The following DOK6 variants were observed in gnomAD, a reference collection of about 807,000 sequenced individuals.
DOK6 encodes the protein downstream of tyrosine kinase 6.
A neutral mutation model predicts 44.0 loss-of-function variants in DOK6; 22 were observed. The observed-to-expected ratio is 0.50, with a 90% CI of 0.36 to 0.71. The LOEUF (loss-of-function observed/expected upper bound fraction) is 0.71. Ranked by LOEUF, DOK6 falls within the 30% of genes least tolerant of loss-of-function variation. The pLI is 0.00. For missense variants in DOK6, 340 were observed against 416.4 expected, an observed-to-expected ratio of 0.82 and a Z score of 1.60; for synonymous variants, 166 against 145.5, an observed-to-expected ratio of 1.14 and a Z score of -1.01.
chr18:69,664,346 C>T (rs1441793099), intron 3 of DOK6, among the ~76,000 whole-genome samples: 1 of 152,228 alleles, frequency 6.6e-6, no homozygotes, highest in African/African-American at 2.4e-5. Flanking sequence ...TTGATACTGG[C>T]TTTTAAAAAG....
chr18:69,600,199 C>A (rs1011872302), intron 3 of DOK6, among the ~76,000 whole-genome samples: 1 of 152,104 alleles, frequency 6.6e-6, no homozygotes, highest in Non-Finnish European at 1.5e-5. Flanking sequence ...ATGATTAGGT[C>A]TTTAGGAGAA....
chr18:69,408,288 A>G (rs1978292704), intron 1 of DOK6, among the ~76,000 whole-genome samples: 3 of 152,194 alleles, frequency 2.0e-5, no homozygotes, highest in Admixed American at 1.3e-4. Context: ...ACTCAATGCT[A>G]AGTTATTTAG....
intron 1 of DOK6, among the ~76,000 whole-genome samples, chr18:69,550,721 A>G (rs1982538937): frequency 6.7e-6 from 1 of 148,770 alleles, no homozygotes; most frequent in African/African-American, 2.5e-5. Context: ...TCCCTAATAT[A>G]TATTGACAGT....
chr18:69,624,446 A>G (rs1984510648), intron 3 of DOK6, among the ~76,000 whole-genome samples: 1 of 152,118 alleles, frequency 6.6e-6, no homozygotes, highest in Non-Finnish European at 1.5e-5. Context: ...CTAGTAATCC[A>G]TTGTATTTTT....
At chr18:69,726,076 A>G (rs531935501) in intron 5 of DOK6, among the ~76,000 whole-genome samples, 1 of 152,158 alleles carries the variant, frequency 6.6e-6, no homozygotes, top group Admixed American at 6.5e-5. Flanking sequence ...CAGTCGGTAC[A>G]CCCAGCCAGA....
intron 6 of DOK6, among the ~76,000 whole-genome samples, chr18:69,747,142 A>G (rs1005288087): frequency 6.6e-6 from 1 of 152,184 alleles, no homozygotes; most frequent in Non-Finnish European, 1.5e-5. Context: ...TATGAAACCA[A>G]TTTGCACATT....
At chr18:69,562,016 T>A (rs886815207) in intron 1 of DOK6, among the ~76,000 whole-genome samples, 1 of 152,198 alleles carries the variant, frequency 6.6e-6, no homozygotes, top group African/African-American at 2.4e-5. Context: ...GATTTCCTCA[T>A]GGGCATAAAG....
intron 1 of DOK6, among the ~76,000 whole-genome samples, chr18:69,528,575 C>T (rs1981899897): frequency 6.6e-6 from 1 of 152,184 alleles, no homozygotes; most frequent in Non-Finnish European, 1.5e-5. Context: ...AAGCTCTAAT[C>T]TTGCCAATTT....
intron 7 of DOK6, among the ~76,000 whole-genome samples, chr18:69,817,825 C>T (rs954435505): frequency 6.6e-6 from 1 of 152,188 alleles, no homozygotes; most frequent in African/African-American, 2.4e-5. Flanking sequence ...CTAGATGCAA[C>T]ATGAGCATCC....
rs964873419 is a variant in DOK6 at position 69,685,226 on chromosome 18, A to AT, written c.409+7382dup. On this transcript the variant is annotated intron_variant, in intron 4 of 7. Transcript: ENST00000382713. ...TGGTATACGTAAGTTTCGATTATCC[A>AT]TTTTTTTTTCCTGCTGTACTAAAAC... 3.3e-4 allele frequency among the ~76,000 whole-genome samples: 50 copies of AT among 151,564 alleles called. 1 individual carries two copies. Among genetic ancestry groups the AT allele is most frequent in the African/African-American group, 1.0e-3 (43 of 41,314 alleles).
chr18:69,722,901 A>G (rs1978291042), intron 5 of DOK6, among the ~76,000 whole-genome samples: 1 of 152,206 alleles, frequency 6.6e-6, no homozygotes, highest in Non-Finnish European at 1.5e-5. Flanking sequence ...CAAAAATACT[A>G]AAGAAATTAG....
At chr18:69,599,168 A>G (rs1279635454) in intron 2 of DOK6, among the ~76,000 whole-genome samples, 1 of 152,124 alleles carries the variant, frequency 6.6e-6, no homozygotes, top group Admixed American at 6.6e-5. Flanking sequence ...GTCATTTCAA[A>G]ATGCAGCAAA....
intron 1 of DOK6, among the ~76,000 whole-genome samples, chr18:69,413,747 C>T (rs1448701434): frequency 6.6e-6 from 1 of 151,816 alleles, no homozygotes; most frequent in African/African-American, 2.4e-5. Context: ...TTGACAATTT[C>T]ATCTTATTGA....
At chr18:69,510,046 TG>T (rs1981322436) in intron 1 of DOK6, among the ~76,000 whole-genome samples, 1 of 152,248 alleles carries the variant, frequency 6.6e-6, no homozygotes, top group South Asian at 2.1e-4. Flanking sequence ...GGCAATTAGA[TG>T]TAGCTTTTAC....
intron 3 of DOK6, among the ~76,000 whole-genome samples, chr18:69,625,161 C>T (rs554062487): frequency 6.6e-6 from 1 of 152,080 alleles, no homozygotes; most frequent in Admixed American, 6.6e-5. Context: ...GGCTAGAAAG[C>T]AATGCAGTAG....
At chr18:69,622,214 A>G (rs1276068025) in intron 3 of DOK6, among the ~76,000 whole-genome samples, 1 of 152,140 alleles carries the variant, frequency 6.6e-6, no homozygotes, top group Admixed American at 6.6e-5. Context: ...TTATAAGCTC[A>G]TTGCCTTATC....
chr18:69,456,586 T>C (rs1184357737), intron 1 of DOK6, among the ~76,000 whole-genome samples: 1 of 152,194 alleles, frequency 6.6e-6, no homozygotes, highest in Admixed American at 6.5e-5. Context: ...GTCTTTGCTA[T>C]CATGATTAGT....
chr18:69,625,195 C>G (rs1984530250), intron 3 of DOK6, among the ~76,000 whole-genome samples: 1 of 152,100 alleles, frequency 6.6e-6, no homozygotes, highest in Admixed American at 6.6e-5. Context: ...GCTGTAAACT[C>G]TTTATTAGTG....
chr18:69,593,256 C>A (rs907878641), intron 2 of DOK6, among the ~76,000 whole-genome samples: 2 of 151,878 alleles, frequency 1.3e-5, no homozygotes, highest in African/African-American at 4.8e-5. Flanking sequence ...CCTGTAGTCC[C>A]AGCTACTTGG....
Sources: gnomAD v4.1 joint callset for allele counts (sites outside exome capture counted in the v4.1 genomes callset) on GRCh38, gnomAD v4.1.1 for gene constraint, MANE v1.5 for transcripts, NCBI Gene and HGNC (gene_info 2026-07-23, HGNC 2026-07-21) for gene names.